The following ASAP1 variants were observed in gnomAD, a reference collection of about 807,000 sequenced individuals.
ASAP1 encodes ArfGAP with SH3 domain, ankyrin repeat and PH domain 1, also known as arf-GAP with SH3 domain, ANK repeat and PH domain-containing protein 1.
A neutral mutation model predicts 145.2 loss-of-function variants in ASAP1; 43 were observed. The observed-to-expected ratio is 0.30, with a 90% confidence interval of 0.23 to 0.38. The LOEUF (loss-of-function observed/expected upper bound fraction) is 0.38, where lower values mean the gene tolerates loss of function less well. Ranked by LOEUF, ASAP1 falls within the 10% of genes least tolerant of loss-of-function variation. The probability of loss-of-function intolerance (pLI) is 1.00; values close to 1 mark genes in which losing one functional copy is unlikely to be tolerated. For synonymous variants in ASAP1, 546 were observed against 515.5 expected (o/e 1.06, Z -0.80); for missense variants, 1,018 against 1,355.3 (o/e 0.75, Z 3.91).
intron 27 of ASAP1, among the ~76,000 whole-genome samples, chr8:130,072,420 G>A (rs1224652188): frequency 6.6e-6 from 1 of 151,996 alleles, no homozygotes; most frequent in African/African-American, 2.4e-5. Context: ...CTTTTGCTTG[G>A]CTCTCATTTT....
At chr8:130,266,168 C>T (rs954952047) in intron 3 of ASAP1, among the ~76,000 whole-genome samples, 5 of 152,104 alleles carry the variant, frequency 3.3e-5, no homozygotes, top group African/African-American at 4.8e-5. Flanking sequence ...AGAGAAAAAT[C>T]CACCCACCAG....
intron 2 of ASAP1, among the ~76,000 whole-genome samples, chr8:130,399,635 T>C (rs1175530226): frequency 6.6e-6 from 1 of 152,162 alleles, no homozygotes; most frequent in African/African-American, 2.4e-5. Context: ...CATTTGCTTA[T>C]CTAATCATCC....
At chr8:130,214,199 A>G (rs917280810) in intron 5 of ASAP1, among the ~76,000 whole-genome samples, 1 of 152,200 alleles carries the variant, frequency 6.6e-6, no homozygotes, top group East Asian at 1.9e-4. Context: ...CTTTTAGCCA[A>G]TTAAAAAGCA....
intron 3 of ASAP1, among the ~76,000 whole-genome samples, chr8:130,323,798 T>G (rs1259173035): frequency 6.6e-6 from 1 of 152,074 alleles, no homozygotes; most frequent in Non-Finnish European, 1.5e-5. Flanking sequence ...ACAATAAGCA[T>G]CTCCCCTCTA....
chr8:130,059,468 T>C (rs1365800687), intron 28 of ASAP1, among the ~76,000 whole-genome samples: 1 of 152,020 alleles, frequency 6.6e-6, no homozygotes, highest in Non-Finnish European at 1.5e-5. Flanking sequence ...CCCAGCCCCA[T>C]TTTAATTTTT....
intron 5 of ASAP1, among the ~76,000 whole-genome samples, chr8:130,210,229 T>G (rs963311896): frequency 1.3e-5 from 2 of 152,198 alleles, no homozygotes; most frequent in Non-Finnish European, 2.9e-5. Flanking sequence ...CTACCGTCTA[T>G]TAAGTTGGCT....
At position 130,443,626 on chromosome 8, in the gene ASAP1, G is replaced by A. The variant is rs1830573906; in HGVS notation, c.-194C>T. 6.6e-6 allele frequency: 1 copy of A among 151,564 alleles called. No homozygotes were observed. The highest frequency in any genetic ancestry group is 6.6e-5 in the Admixed American group (1 of 15,180). The allele number at this position is 151,564 out of a possible 1,614,324, so 9.4% of individuals were successfully genotyped here. ...TCGCCCGCGGCAGCGGCCAGGCCAGGCGAGGCGCGGGAGCCGAGCGCGGCG... is the reference window on the plus strand; with the variant it reads ...TCGCCCGCGGCAGCGGCCAGGCCAGACGAGGCGCGGGAGCCGAGCGCGGCG... On this transcript the variant is annotated 5_prime_UTR_variant, in exon 1 of 30. Transcript: ENST00000518721.
intron 4 of ASAP1, among the ~76,000 whole-genome samples, chr8:130,232,274 G>A (rs1038882744): frequency 6.6e-6 from 1 of 152,026 alleles, no homozygotes; most frequent in Non-Finnish European, 1.5e-5. Flanking sequence ...AATTGCCCAA[G>A]AATTACAATA....
chr8:130,078,773 AG>A (rs111841025), intron 26 of ASAP1, among the ~76,000 whole-genome samples: 8,120 of 152,226 alleles, frequency 0.053, 283 homozygotes, highest in Middle Eastern at 0.078. Context: ...AGTAGGCTGG[AG>A]AGCTGGCTCT....
At chr8:130,253,291 T>C (rs951867370) in intron 3 of ASAP1, among the ~76,000 whole-genome samples, 3 of 152,218 alleles carry the variant, frequency 2.0e-5, no homozygotes, top group Non-Finnish European at 2.9e-5. Flanking sequence ...GGGAAATTTA[T>C]AGTAATTAAT....
chr8:130,189,749 T>G (rs1815007342), intron 5 of ASAP1, among the ~76,000 whole-genome samples: 1 of 152,216 alleles, frequency 6.6e-6, no homozygotes, highest in Non-Finnish European at 1.5e-5. Context: ...TCCATAGTGG[T>G]TGTACTAATT....
chr8:130,107,705 G>A (rs1362181643), intron 24 of ASAP1, among the ~76,000 whole-genome samples: 1 of 151,758 alleles, frequency 6.6e-6, no homozygotes, highest in African/African-American at 2.4e-5. Context: ...GGGCCACCAA[G>A]CCTGGTTAAT....
chr8:130,383,465 C>T (rs989179054), intron 2 of ASAP1, among the ~76,000 whole-genome samples: 1 of 152,132 alleles, frequency 6.6e-6, no homozygotes, highest in Non-Finnish European at 1.5e-5. Flanking sequence ...CCCAGAGGAT[C>T]GACTATGAAC....
intron 28 of ASAP1, among the ~76,000 whole-genome samples, chr8:130,058,579 G>A (rs2097409749): frequency 6.6e-6 from 1 of 152,162 alleles, no homozygotes; most frequent in Non-Finnish European, 1.5e-5. Flanking sequence ...CAGCAGGATC[G>A]GCCTGGGGCT....
At chr8:130,087,286 G>C (rs185775404) in intron 25 of ASAP1, among the ~76,000 whole-genome samples, 6 of 152,082 alleles carry the variant, frequency 3.9e-5, no homozygotes, top group African/African-American at 1.4e-4. Context: ...TTGAGAGGCC[G>C]AGATGGGTGG....
In ASAP1 at chr8:130,115,730, G is replaced by A; in HGVS notation, c.2070C>T (p.Ser690=). ...GATTGAACTTTCCAGATTTAGCCTG[G>A]GAAAGCTGGAAGGAACAGCAAATGT... is the stretch of plus-strand genomic sequence containing the variant. ...LKATQCEDLL[S]QAKSGKFNPH... Residue 690 remains serine (S), a synonymous_variant, in exon 23 of 30, where the codon TCC becomes TCT. Coordinates refer to ENST00000518721, the MANE Select transcript of ASAP1 (RefSeq NM_018482.4). 6.2e-7 allele frequency: 1 copy of A among 1,610,782 alleles called. No homozygotes were observed. The highest frequency in any genetic ancestry group is 8.5e-7 in the Non-Finnish European group (1 of 1,177,366).
intron 12 of ASAP1, among the ~76,000 whole-genome samples, chr8:130,153,359 GTATATA>G (rs1208128915): frequency 1.4e-4 from 4 of 28,912 alleles, no homozygotes; most frequent in Non-Finnish European, 2.2e-4. Flanking sequence ...ATATATATAT[GTATATA>G]TATATATATA....
intron 8 of ASAP1, 46 bp downstream of exon 8, chr8:130,180,703 TCA>T (rs1341347838): frequency 1.3e-6 from 2 of 1,584,456 alleles, no homozygotes; most frequent in Non-Finnish European, 1.7e-6. Flanking sequence ...CAGGAAAAGA[TCA>T]CAGTTGTTAT....
intron 26 of ASAP1, among the ~76,000 whole-genome samples, chr8:130,078,912 G>T (rs2097471417): frequency 3.9e-5 from 6 of 152,124 alleles, no homozygotes; most frequent in Admixed American, 3.9e-4. Flanking sequence ...TTAAAAAAAA[G>T]GCTGGATATG....
Sources: allele counts gnomAD v4.1 joint callset (sites outside exome capture counted in the v4.1 genomes callset), GRCh38; gene constraint gnomAD v4.1.1; transcripts MANE v1.5; gene names NCBI Gene and HGNC (gene_info 2026-07-23, HGNC 2026-07-21).